Variants in FRMPD3 observed in about 807,000 individuals in gnomAD.
The protein encoded by FRMPD3 is FERM and PDZ domain containing 3.
FRMPD3 carries 42 observed loss-of-function variants against 97.9 expected under a neutral mutation model. The ratio of observed to expected loss-of-function variants is 0.43; its 90% CI spans 0.34 to 0.55. The LOEUF is 0.55. Ranked by LOEUF, FRMPD3 falls within the 20% of genes least tolerant of loss-of-function variation. The pLI, the probability that FRMPD3 is intolerant of heterozygous loss-of-function variation, is 0.03. For missense variants in FRMPD3, 1,303 were observed against 1,457.7 expected, an observed-to-expected ratio of 0.89 and a Z score of 1.73; for synonymous variants, 577 against 581.1, an observed-to-expected ratio of 0.99 and a Z score of 0.10.
rs759075414 is a variant in FRMPD3, at chrX:107,601,000, G to A, written c.2961G>A (p.Leu987=). 6.6e-6 allele frequency: 8 copies of A among 1,205,462 alleles called. No homozygotes were observed. In the South Asian group the frequency reaches 1.4e-4, roughly 22 times the overall value. The change falls in exon 15 of 15, where the codon CTG becomes CTA. Residue 987 remains leucine (L), a synonymous_variant. Coordinates refer to ENST00000683843, the MANE Select transcript of FRMPD3 (RefSeq NM_001388459.1). ...CCCCCAGCAGGGGTGAGAGAAGGCTGGAGGCCAGCATGGGGAGGCCAGAGG... is the reference window on the plus strand; with the variant it reads ...CCCCCAGCAGGGGTGAGAGAAGGCTAGAGGCCAGCATGGGGAGGCCAGAGG... ...GNPPSRGERR[L]EASMGRPEVS... is the part of the protein sequence containing the mutation.
chrX:107,508,508 C>T (rs969855437), intron 1 of FRMPD3, among the ~76,000 whole-genome samples: 35 of 111,877 alleles, frequency 3.1e-4, no homozygotes, highest in Non-Finnish European at 6.6e-4. Context: ...CCCATGAACC[C>T]CATTTTGTAG....
chrX:107,506,179 A>G (rs1922023395), intron 1 of FRMPD3, among the ~76,000 whole-genome samples: 1 of 111,956 alleles, frequency 8.9e-6, no homozygotes, highest in Admixed American at 9.5e-5. Flanking sequence ...TAGGTCCATA[A>G]TAAATATGGG....
rs183573427 is a variant in FRMPD3, at chrX:107,471,936, A to G, written c.-8+21931A>G. ...CCACCAACAGTATAAAAGCGTTCCT[A>G]TTTCTCCACAGCCTTGCCAGCATCT... is the stretch of plus-strand genomic sequence containing the variant. On this transcript the variant is annotated intron_variant, in intron 1 of 14. Coordinates refer to ENST00000683843, the MANE Select transcript of FRMPD3 (RefSeq NM_001388459.1). Among the ~76,000 whole-genome samples, 292 of 112,137 alleles carry G rather than the reference A, an allele frequency of 2.6e-3. 4 individuals carry two copies. Among genetic ancestry groups the G allele is most frequent in the African/African-American group, 9.0e-3 (278 of 30,847 alleles).
At chrX:107,564,246 CTG>C (rs1271867162) in intron 11 of FRMPD3, among the ~76,000 whole-genome samples, 7 of 112,490 alleles carry the variant, frequency 6.2e-5, no homozygotes, top group African/African-American at 2.3e-4. Context: ...CCTTCATACA[CTG>C]TCAAATCTTT....
chrX:107,603,493 A>G lies in FRMPD3; in HGVS notation c.*120A>G. 9.2e-7 allele frequency: 1 copy of G among 1,086,855 alleles called. No individual in the cohort carries two copies. Among genetic ancestry groups the G allele is most frequent in the Non-Finnish European group, 1.2e-6 (1 of 834,282 alleles). 89.6% of individuals were successfully genotyped at this position (1,086,855 alleles called of 1,213,427 possible). A position where few individuals can be genotyped will look rare whatever the true frequency, so the allele number is the denominator to read the frequency against. On this transcript the variant is annotated 3_prime_UTR_variant, in exon 15 of 15. Coordinates refer to ENST00000683843, the MANE Select transcript of FRMPD3 (RefSeq NM_001388459.1). ...TGGGCCAGTCAGGGTCCAAGAGCCC[A>G]TCAGTCTCCGGGGAGTGGAAACTCT... is the stretch of plus-strand genomic sequence containing the variant.
chrX:107,528,936 T>C (rs1922812239), intron 2 of FRMPD3, among the ~76,000 whole-genome samples: 1 of 113,240 alleles, frequency 8.8e-6, no homozygotes, highest in Non-Finnish European at 1.9e-5. Context: ...TCCAGAGCCA[T>C]TGAGCTGTGC....
chrX:107,533,406 C>T (rs1923064438), intron 3 of FRMPD3, 99 bp from the exon 4 acceptor site: 3 of 743,745 alleles, frequency 4.0e-6, no homozygotes, highest in Admixed American at 4.8e-5. Flanking sequence ...AATCCATATA[C>T]CTGAATAAAG....
chrX:107,505,908 G>T (rs1220466287), intron 1 of FRMPD3, among the ~76,000 whole-genome samples: 1 of 111,660 alleles, frequency 9.0e-6, no homozygotes, highest in Admixed American at 9.4e-5. Flanking sequence ...TCAGCCCCAT[G>T]GGACGAGGAT....
At chrX:107,552,629 C>T (rs374225944) in intron 6 of FRMPD3, among the ~76,000 whole-genome samples, 166 bp from the exon 7 acceptor site, 2 of 112,272 alleles carry the variant, frequency 1.8e-5, no homozygotes, top group Non-Finnish European at 3.8e-5. Flanking sequence ...TCACTTTACT[C>T]ATTGTGGATC....
chrX:107,600,601 T>C lies in FRMPD3; in HGVS notation c.2562T>C (p.Pro854=). ...PIATGQSPGP[P]GARRKLPQSE... ...CCACAGGCCAGAGTCCTGGCCCCCCTGGCGCTCGGAGGAAGCTGCCCCAGT... is the reference window on the plus strand; with the variant it reads ...CCACAGGCCAGAGTCCTGGCCCCCCCGGCGCTCGGAGGAAGCTGCCCCAGT... The change falls in exon 15 of 15, where the codon CCT becomes CCC. Residue 854 remains proline, a synonymous_variant. Coordinates refer to ENST00000683843, the MANE Select transcript of FRMPD3 (RefSeq NM_001388459.1). 8.3e-7 allele frequency: 1 copy of C among 1,209,820 alleles called. No individual in the cohort carries two copies. The highest frequency in any genetic ancestry group is 1.1e-6 in the Non-Finnish European group (1 of 894,905).
Position 107,602,441 on chromosome X carries a change from G to A in FRMPD3, c.4402G>A (p.Val1468Met), listed in dbSNP as rs756282200. 4.4e-5 allele frequency: 53 copies of A among 1,209,501 alleles called. No individual in the cohort carries two copies. Among genetic ancestry groups the A allele is most frequent in the Non-Finnish European group, 5.5e-5 (49 of 894,918 alleles). The change falls in exon 15 of 15, where the codon GTG (valine) becomes ATG (methionine). Residue 1468 changes from valine to methionine, a missense_variant. Physicochemically the swap from Val to Met is conservative, Grantham distance 21. Around this residue, in one of 3 missense-constraint regions of FRMPD3, gnomAD observed 764 missense variants for 820.2 expected, o/e 0.93. Coordinates refer to ENST00000683843, the MANE Select transcript of FRMPD3 (RefSeq NM_001388459.1). ...GACCAAAGGCCCCAGACAGATGGCC[G>A]TGTTCTCACTGCCCGAGGAGGTGTA... ...PETKGPRQMA[V>M]FSLPEEVYRK...
At chrX:107,591,426 G>A (rs1465099387) in intron 13 of FRMPD3, among the ~76,000 whole-genome samples, 1 of 111,744 alleles carries the variant, frequency 8.9e-6, no homozygotes, top group Non-Finnish European at 1.9e-5. Context: ...CAAAGTGCTG[G>A]GATTACAGGC....
Position 107,601,839 on chromosome X carries a change from A to G in FRMPD3, c.3800A>G (p.Tyr1267Cys), listed in dbSNP as rs762086321. ...CAGGGGGAGCTGCCAGGCACCGAGT[A>G]CCTGCAACCTCCAGCACCTGGCCGC... Reference protein sequence around the residue: ...PSQGELPGTEYLQPPAPGRCS... With the variant: ...PSQGELPGTECLQPPAPGRCS... Residue 1267 changes from tyrosine to cysteine, a missense_variant, in exon 15 of 15, where the codon TAC becomes TGC. Tyr to Cys is a radical substitution (Grantham distance 194). This residue lies in a region of FRMPD3 where 764 missense variants were observed against 820.2 expected (regional missense o/e 0.93). Transcript: ENST00000683843. 8.3e-6 allele frequency: 10 copies of G among 1,208,780 alleles called. No homozygotes were observed. The highest frequency in any genetic ancestry group is 1.1e-5 in the Non-Finnish European group (10 of 894,809).
intron 1 of FRMPD3, among the ~76,000 whole-genome samples, chrX:107,451,475 C>T: frequency 8.9e-6 from 1 of 112,390 alleles, no homozygotes; most frequent in Non-Finnish European, 1.9e-5. Flanking sequence ...GAGGCCCTGC[C>T]CCTCCCTCGC....
chrX:107,453,738 G>A (rs887998841), intron 1 of FRMPD3, among the ~76,000 whole-genome samples: 14 of 111,378 alleles, frequency 1.3e-4, no homozygotes, highest in Non-Finnish European at 1.7e-4. Flanking sequence ...CCAAAGGCAA[G>A]GACAGTGATC....
chrX:107,599,259 T>G (rs1924365441), intron 14 of FRMPD3, among the ~76,000 whole-genome samples: 2 of 102,314 alleles, frequency 2.0e-5, no homozygotes, highest in African/African-American at 3.6e-5. Flanking sequence ...GGTGACAGAG[T>G]GAGACTCTAA....
rs963272538 is a variant in FRMPD3, at chrX:107,545,676, T to C, written c.298-61T>C. On this transcript the variant is annotated intron_variant, in intron 4 of 14. Coordinates refer to ENST00000683843, the MANE Select transcript of FRMPD3 (RefSeq NM_001388459.1). ...GTACTGGGACATCTTAACTCTGACG[T>C]GACAAAGGTTAGGCTTTCCCTAGAT... 3.3e-5 allele frequency: 31 copies of C among 941,703 alleles called. No individual in the cohort carries two copies. In the Admixed American group the frequency reaches 6.8e-4, roughly 21 times the overall value. 77.6% of individuals were successfully genotyped at this position (941,703 alleles called of 1,213,427 possible). A position where few individuals can be genotyped will look rare whatever the true frequency, so the allele number is the denominator to read the frequency against.
chrX:107,560,108 CTT>C (rs2147596017), intron 8 of FRMPD3, 147 bp from the exon 9 acceptor site: 1 of 647,041 alleles, frequency 1.5e-6, no homozygotes, highest in East Asian at 3.4e-5. Context: ...TCTGTTGTCT[CTT>C]CTCCAAGGGG....
rs186640073 is a variant in FRMPD3, at chrX:107,512,770, C to A, written c.-7-13812C>A. On this transcript the variant is annotated intron_variant, in intron 1 of 14. Coordinates refer to ENST00000683843, the MANE Select transcript of FRMPD3 (RefSeq NM_001388459.1). ...AAGCTCCTATGAATATTTCATTGCT[C>A]CAGTTCCCCCTTGCTGCCTCTGCCA... Among the ~76,000 whole-genome samples the A allele has an allele frequency of 4.9e-4, 55 of 112,476 alleles. 2 individuals carry two copies. The Admixed American group carries it at 5.2e-3, about 11-fold the overall frequency.
Sources: allele counts gnomAD v4.1 joint callset (sites outside exome capture counted in the v4.1 genomes callset), GRCh38; gene constraint gnomAD v4.1.1; regional missense constraint gnomAD v4.1.1; transcripts MANE v1.5; gene names NCBI Gene and HGNC (gene_info 2026-07-23, HGNC 2026-07-21).